Variants in LOC400499 observed in about 807,000 individuals in gnomAD.
the LOC400499 span, among the ~76,000 whole-genome samples, chr16:11,513,575 CG>C: frequency 4.6e-5 from 7 of 151,802 alleles, no homozygotes; most frequent in Non-Finnish European, 4.4e-5. Flanking sequence ...GAATTACAGG[CG>C]CCCACCACTA....
At chr16:11,384,849 G>A in the LOC400499 span, 84 of 1,231,384 alleles carry the variant, frequency 6.8e-5, no homozygotes, top group Non-Finnish European at 7.5e-5. Flanking sequence ...CAAAGAGTCC[G>A]CTGTAGGTGG....
the LOC400499 span, chr16:11,402,386 A>G: frequency 2.7e-6 from 1 of 375,584 alleles, no homozygotes; most frequent in Non-Finnish European, 4.7e-6. Flanking sequence ...CCCCGTTACA[A>G]TGAGACTCTG....
At chr16:11,414,273 C>T in the LOC400499 span, 1 of 399,120 alleles carries the variant, frequency 2.5e-6, no homozygotes, top group South Asian at 1.3e-4. Flanking sequence ...ACAGCGGGTC[C>T]TCTGCACACC....
chr16:11,420,483 T>C, the LOC400499 span, among the ~76,000 whole-genome samples: 271 of 147,644 alleles, frequency 1.8e-3, no homozygotes, highest in South Asian at 3.6e-3. Context: ...TTAGGAGATA[T>C]ACCTAATGCT....
At chr16:11,403,219 G>T in the LOC400499 span, among the ~76,000 whole-genome samples, 1 of 152,160 alleles carries the variant, frequency 6.6e-6, no homozygotes, top group Non-Finnish European at 1.5e-5. Context: ...TGTTCAGATG[G>T]GCTGCAGGAG....
chr16:11,388,408 G>T, the LOC400499 span, among the ~76,000 whole-genome samples: 1 of 152,188 alleles, frequency 6.6e-6, no homozygotes, highest in Non-Finnish European at 1.5e-5. Context: ...TATGGCTGGG[G>T]AAACTGAGGC....
the LOC400499 span, chr16:11,383,740 CAG>C: frequency 8.1e-7 from 1 of 1,232,322 alleles, no homozygotes; most frequent in East Asian, 3.2e-5. Flanking sequence ...CTGGGTGCCA[CAG>C]GGGACCTGCA....
chr16:11,431,603 A>G, the LOC400499 span, among the ~76,000 whole-genome samples: 1 of 152,118 alleles, frequency 6.6e-6, no homozygotes, highest in Admixed American at 6.6e-5. Flanking sequence ...ATGGGGTTTC[A>G]CCACGTTGCC....
the LOC400499 span, among the ~76,000 whole-genome samples, chr16:11,427,603 C>T: frequency 6.6e-6 from 1 of 151,950 alleles, no homozygotes; most frequent in African/African-American, 2.4e-5. Context: ...ACCACCATGC[C>T]CAACTAATTT....
At chr16:11,506,040 TATTTA>T in the LOC400499 span, among the ~76,000 whole-genome samples, 8 of 152,100 alleles carry the variant, frequency 5.3e-5, no homozygotes, top group Non-Finnish European at 8.8e-5. Flanking sequence ...TATTTTATTT[TATTTA>T]TTTATTTTGA....
chr16:11,394,205 C>A, the LOC400499 span, among the ~76,000 whole-genome samples: 2 of 152,204 alleles, frequency 1.3e-5, no homozygotes, highest in African/African-American at 2.4e-5. Context: ...TGGCATAACA[C>A]CCCAGGCACT....
At chr16:11,389,830 G>A in the LOC400499 span, among the ~76,000 whole-genome samples, 1 of 151,812 alleles carries the variant, frequency 6.6e-6, no homozygotes, top group Admixed American at 6.6e-5. Context: ...TGTGCTTCGT[G>A]TCTGAGTAAA....
chr16:11,425,318 G>A, the LOC400499 span: 1 of 399,154 alleles, frequency 2.5e-6, no homozygotes. Flanking sequence ...CCTGGCTGCT[G>A]TTCTGGGCAA....
At chr16:11,414,078 T>G in the LOC400499 span, among the ~76,000 whole-genome samples, 2 of 152,140 alleles carry the variant, frequency 1.3e-5, no homozygotes, top group African/African-American at 4.8e-5. Context: ...GACCCAAGAT[T>G]GCAGGGCAGA....
the LOC400499 span, among the ~76,000 whole-genome samples, chr16:11,393,808 G>C: frequency 6.6e-6 from 1 of 152,202 alleles, no homozygotes; most frequent in African/African-American, 2.4e-5. Context: ...CCAGGATCAA[G>C]GGCTCACTCC....
At chr16:11,436,485 T>C in the LOC400499 span, among the ~76,000 whole-genome samples, 1 of 152,080 alleles carries the variant, frequency 6.6e-6, no homozygotes, top group Non-Finnish European at 1.5e-5. Context: ...CGTGAGCCTA[T>C]CCCTTTCCTG....
the LOC400499 span, among the ~76,000 whole-genome samples, chr16:11,416,068 G>C: frequency 2.6e-5 from 4 of 151,480 alleles, no homozygotes; most frequent in East Asian, 7.8e-4. Flanking sequence ...TGATTCTTGT[G>C]TCTCAGGCTC....
the LOC400499 span, among the ~76,000 whole-genome samples, chr16:11,513,724 T>G: frequency 6.6e-6 from 1 of 152,124 alleles, no homozygotes. Flanking sequence ...AGCCACTACA[T>G]CTGGCCAAAA....
the LOC400499 span, chr16:11,469,618 G>A: frequency 2.0e-5 from 8 of 398,958 alleles, no homozygotes; most frequent in African/African-American, 1.6e-4. Context: ...TGACCCGGGC[G>A]TGCCCATGAA....
Sources: allele counts gnomAD v4.1 joint callset (sites outside exome capture counted in the v4.1 genomes callset), GRCh38; gene constraint gnomAD v4.1.1; transcripts MANE v1.5.